The following FANCC variants were observed in gnomAD, a reference collection of about 807,000 sequenced individuals.
FANCC encodes the protein Fanconi anemia group C protein.
FANCC carries 55 observed loss-of-function variants against 71.3 expected under a neutral mutation model. The observed-to-expected ratio is 0.77, with a 90% CI of 0.62 to 0.97. The LOEUF (loss-of-function observed/expected upper bound fraction) is 0.97. FANCC is among the 50% of genes least tolerant of loss of function. The probability of loss-of-function intolerance (pLI) is 0.00; values close to 1 mark genes in which losing one functional copy is unlikely to be tolerated. For synonymous variants in FANCC, 275 were observed against 244.9 expected (o/e 1.12, Z -1.15); for missense variants, 678 against 670.9 (o/e 1.01, Z -0.12).
At chr9:95,310,390 G>A (rs1465145180) in intron 1 of FANCC, among the ~76,000 whole-genome samples, 1 of 151,808 alleles carries the variant, frequency 6.6e-6, no homozygotes, top group Non-Finnish European at 1.5e-5. Flanking sequence ...AAGGAGGGGG[G>A]GAATTCGTTG....
At chr9:95,124,897 G>C (rs1041662203) in intron 10 of FANCC, among the ~76,000 whole-genome samples, 189 bp downstream of exon 10, 2 of 152,200 alleles carry the variant, frequency 1.3e-5, no homozygotes, top group Non-Finnish European at 2.9e-5. Flanking sequence ...ATCAGGGCAC[G>C]GGGCAGACAG....
chr9:95,250,684 C>A (rs1262881518), intron 1 of FANCC, among the ~76,000 whole-genome samples: 2 of 152,196 alleles, frequency 1.3e-5, no homozygotes, highest in South Asian at 4.1e-4. Context: ...CTATCATCAC[C>A]ACCTGTCAAG....
chr9:95,150,288 T>C (rs902505344), intron 6 of FANCC, among the ~76,000 whole-genome samples: 2 of 152,232 alleles, frequency 1.3e-5, no homozygotes, highest in African/African-American at 4.8e-5. Context: ...CATTGCTGTT[T>C]CAGTGTCATT....
chr9:95,122,342 A>G (rs2072952046), intron 10 of FANCC, among the ~76,000 whole-genome samples: 1 of 152,216 alleles, frequency 6.6e-6, no homozygotes, highest in African/African-American at 2.4e-5. Flanking sequence ...AAGGGTTTTG[A>G]TTAGCTAAAA....
intron 7 of FANCC, among the ~76,000 whole-genome samples, chr9:95,139,363 T>G (rs1292734505): frequency 6.6e-6 from 1 of 152,164 alleles, no homozygotes; most frequent in African/African-American, 2.4e-5. Context: ...GCCAGTCATG[T>G]GGTGCCACTG....
At chr9:95,266,442 G>A (rs919609721) in intron 1 of FANCC, among the ~76,000 whole-genome samples, 5 of 152,132 alleles carry the variant, frequency 3.3e-5, no homozygotes, top group African/African-American at 4.8e-5. Context: ...CTTAATTCAC[G>A]CATCACTTTC....
chr9:95,118,788 T>C (rs1037025153), intron 10 of FANCC, among the ~76,000 whole-genome samples: 1 of 152,242 alleles, frequency 6.6e-6, no homozygotes, highest in African/African-American at 2.4e-5. Flanking sequence ...ATTGTATGAA[T>C]ATGCCATAGT....
At chr9:95,107,870 G>C (rs546298315) in intron 13 of FANCC, among the ~76,000 whole-genome samples, 1 of 152,324 alleles carries the variant, frequency 6.6e-6, no homozygotes, top group Non-Finnish European at 1.5e-5. Flanking sequence ...GAGGCCACAA[G>C]TCTGTGGAAC....
chr9:95,125,085 C>CCTG lies in FANCC; in HGVS notation c.994_996dup (p.Gln332dup). ...TGAGTAATATATGTGATATAACAAA[C>CCTG]CTGCTTGCTTGCTTTCTCCAGAGCT... On this transcript the variant is annotated inframe_insertion and splice_region_variant. Transcript: ENST00000289081. The CCTG allele has an allele frequency of 6.2e-7, 1 of 1,613,634 alleles. No homozygotes were observed. The highest frequency in any genetic ancestry group is 8.5e-7 in the Non-Finnish European group (1 of 1,179,520).
Position 95,099,066 on chromosome 9 carries a change from T to C in FANCC, c.*2641A>G. On this transcript the variant is annotated 3_prime_UTR_variant, in exon 15 of 15. Transcript: ENST00000289081. ...AATGGATACAACATTAGGTGCAAAC[T>C]GAAGTTTTATTTAGAATGAAAAAAT... 1 of 187,116 alleles carries C rather than the reference T, an allele frequency of 5.3e-6. No individual in the cohort carries two copies. Among genetic ancestry groups the C allele is most frequent in the Non-Finnish European group, 1.1e-5 (1 of 88,618 alleles). 11.6% of individuals were successfully genotyped at this position (187,116 alleles called of 1,614,324 possible).
At chr9:95,155,112 T>C (rs939407608) in intron 6 of FANCC, among the ~76,000 whole-genome samples, 1 of 148,372 alleles carries the variant, frequency 6.7e-6, no homozygotes, top group Non-Finnish European at 1.5e-5. Flanking sequence ...GAGGCTGAGG[T>C]GGGAGGATGG....
At chr9:95,269,667 A>C (rs182630266) in intron 1 of FANCC, among the ~76,000 whole-genome samples, 12 of 152,246 alleles carry the variant, frequency 7.9e-5, no homozygotes, top group Admixed American at 7.8e-4. Context: ...GTACAGTTCA[A>C]GTGACACAGA....
chr9:95,219,966 A>C (rs1287871832), intron 4 of FANCC, among the ~76,000 whole-genome samples: 3 of 152,250 alleles, frequency 2.0e-5, no homozygotes. Flanking sequence ...CAATCTAGCC[A>C]TCTGACAAAG....
chr9:95,146,093 G>A (rs1255511744), intron 7 of FANCC, among the ~76,000 whole-genome samples: 1 of 152,150 alleles, frequency 6.6e-6, no homozygotes, highest in Non-Finnish European at 1.5e-5. Flanking sequence ...ATTTTAAGAT[G>A]TAATAATGGT....
At chr9:95,134,844 G>A (rs950318385) in intron 8 of FANCC, among the ~76,000 whole-genome samples, 6 of 152,242 alleles carry the variant, frequency 3.9e-5, no homozygotes, top group African/African-American at 1.4e-4. Context: ...GCGCCACCGC[G>A]CAGGGGAGGG....
chr9:95,247,467 G>A lies in FANCC; in HGVS notation c.215C>T (p.Ala72Val). 1 of 1,613,576 alleles carries A rather than the reference G, an allele frequency of 6.2e-7. No homozygotes were observed. The change falls in exon 3 of 15, where the codon GCA (alanine) becomes GTA (valine). Residue 72 changes from alanine (A) to valine (V), a missense_variant. Coordinates refer to ENST00000289081, the MANE Select transcript of FANCC (RefSeq NM_000136.3). ...ERFPTIGQLL[A>V]KACWNPFILA... ...AATAAAAGGATTCCAACAAGCTTTT[G>A]CCAACAGTTGACCAATTGTGGGGAA...
chr9:95,300,520 G>A (rs1019954167), intron 1 of FANCC, among the ~76,000 whole-genome samples: 7 of 151,058 alleles, frequency 4.6e-5, no homozygotes, highest in Non-Finnish European at 8.8e-5. Context: ...GCACGATCTC[G>A]GCTCAATGCA....
chr9:95,184,916 C>T (rs1269847829), intron 4 of FANCC, among the ~76,000 whole-genome samples: 1 of 152,200 alleles, frequency 6.6e-6, no homozygotes, highest in African/African-American at 2.4e-5. Flanking sequence ...TAATCAGATA[C>T]TTCACACTAT....
intron 3 of FANCC, 27 bp from the exon 4 acceptor site, chr9:95,240,770 T>C (rs1413661906): frequency 7.5e-7 from 1 of 1,333,736 alleles, no homozygotes; most frequent in Non-Finnish European, 1.1e-6. Context: ...TTAATAAGTT[T>C]TATCAAGCAG....
Sources: gnomAD v4.1 joint callset for allele counts (sites outside exome capture counted in the v4.1 genomes callset) on GRCh38, gnomAD v4.1.1 for gene constraint, MANE v1.5 for transcripts, NCBI Gene and HGNC (gene_info 2026-07-23, HGNC 2026-07-21) for gene names.